The following IL1RAPL2 variants were observed in gnomAD, a reference collection of about 807,000 sequenced individuals.
IL1RAPL2 encodes X-linked interleukin-1 receptor accessory protein-like 2.
In IL1RAPL2, 3 loss-of-function variants were observed where a neutral mutation model predicts 44.1. The observed-to-expected ratio is 0.07, with a 90% confidence interval of 0.03 to 0.18. The LOEUF is 0.18. Ranked by LOEUF, IL1RAPL2 falls within the 10% of genes least tolerant of loss-of-function variation. IL1RAPL2 has a pLI of 1.00. For missense variants in IL1RAPL2, 391 were observed against 496.4 expected, an observed-to-expected ratio of 0.79 and a Z score of 2.02; for synonymous variants, 181 against 178.8, an observed-to-expected ratio of 1.01 and a Z score of -0.10.
chrX:105,354,220 G>C (rs1352577904), intron 5 of IL1RAPL2, among the ~76,000 whole-genome samples: 12 of 110,849 alleles, frequency 1.1e-4, no homozygotes, highest in Non-Finnish European at 2.1e-4. Flanking sequence ...TATTGCAGCA[G>C]TATTCACAAT....
chrX:104,914,795 T>C (rs745615768), intron 2 of IL1RAPL2, among the ~76,000 whole-genome samples: 5 of 110,103 alleles, frequency 4.5e-5, no homozygotes, highest in Non-Finnish European at 9.5e-5. Flanking sequence ...AATTCCCATC[T>C]ATGAGTGAGA....
chrX:105,665,753 T>TTTTTTG (rs2037759802), intron 6 of IL1RAPL2, among the ~76,000 whole-genome samples: 2 of 69,307 alleles, frequency 2.9e-5, no homozygotes, highest in Non-Finnish European at 2.8e-5. Context: ...TTTTTTTTTT[T>TTTTTTG]TTGTTGTTGT....
chrX:105,566,228 AAAAG>A (rs1402075946), intron 6 of IL1RAPL2, among the ~76,000 whole-genome samples: 2 of 111,381 alleles, frequency 1.8e-5, no homozygotes, highest in African/African-American at 6.5e-5. Context: ...GAGAGAGAAA[AAAAG>A]AAAGAGAGAG....
At chrX:104,689,725 T>G (rs1171237793) in intron 2 of IL1RAPL2, among the ~76,000 whole-genome samples, 1 of 111,706 alleles carries the variant, frequency 9.0e-6, no homozygotes, top group Non-Finnish European at 1.9e-5. Flanking sequence ...AGATTCAACT[T>G]AATGAGAGAA....
intron 1 of IL1RAPL2, among the ~76,000 whole-genome samples, chrX:104,582,638 T>TTCTC (rs759890036): frequency 1.2e-5 from 1 of 84,491 alleles, no homozygotes; most frequent in Non-Finnish European, 2.1e-5. Flanking sequence ...CTTTCTTTCT[T>TTCTC]TCTCTCTTTC....
chrX:104,899,121 A>T (rs1460968699), intron 2 of IL1RAPL2, among the ~76,000 whole-genome samples: 2 of 111,825 alleles, frequency 1.8e-5, no homozygotes, highest in African/African-American at 6.5e-5. Flanking sequence ...TTACATTTGC[A>T]ATCGGCCTAT....
chrX:105,254,269 T>C (rs2034297157), intron 4 of IL1RAPL2, among the ~76,000 whole-genome samples: 1 of 112,229 alleles, frequency 8.9e-6, no homozygotes, highest in South Asian at 3.7e-4. Flanking sequence ...TAGTATTTCA[T>C]TGTGGCTTTG....
intron 5 of IL1RAPL2, among the ~76,000 whole-genome samples, chrX:105,350,172 G>A (rs186434368): frequency 2.1e-4 from 23 of 111,951 alleles, no homozygotes; most frequent in African/African-American, 7.1e-4. Flanking sequence ...TTCTTGAAAC[G>A]TAGCTTTGAT....
At chrX:105,279,375 T>G (rs2034511435) in intron 5 of IL1RAPL2, among the ~76,000 whole-genome samples, 1 of 112,119 alleles carries the variant, frequency 8.9e-6, no homozygotes, top group Non-Finnish European at 1.9e-5. Context: ...TGGTTGTTTT[T>G]CCAAAGCCTG....
chrX:105,521,873 A>G (rs1441417720), intron 6 of IL1RAPL2, among the ~76,000 whole-genome samples: 5 of 112,538 alleles, frequency 4.4e-5, no homozygotes, highest in Non-Finnish European at 9.4e-5. Context: ...CCCTGTCTGT[A>G]TAACTACTAC....
At chrX:104,722,610 C>T (rs1291075018) in intron 2 of IL1RAPL2, among the ~76,000 whole-genome samples, 1 of 111,881 alleles carries the variant, frequency 8.9e-6, no homozygotes, top group African/African-American at 3.2e-5. Context: ...TTAAGTGAGC[C>T]TCAACTTGAA....
chrX:105,113,080 T>C (rs6616567), intron 2 of IL1RAPL2, among the ~76,000 whole-genome samples: 58,311 of 111,417 alleles, frequency 0.52, 13,077 homozygotes, highest in East Asian at 0.75. Context: ...TCTGTTGCAA[T>C]TGATACAGGG....
chrX:105,761,034 CTG>C (rs1208040489), intron 10 of IL1RAPL2, among the ~76,000 whole-genome samples: 1 of 109,685 alleles, frequency 9.1e-6, no homozygotes, highest in Non-Finnish European at 1.9e-5. Flanking sequence ...CAAAAACTAA[CTG>C]GGCGTGGTGG....
intron 2 of IL1RAPL2, among the ~76,000 whole-genome samples, chrX:104,679,900 C>A (rs1485150543): frequency 8.9e-6 from 1 of 111,858 alleles, no homozygotes; most frequent in Non-Finnish European, 1.9e-5. Flanking sequence ...GAAGCTCAAC[C>A]TTTACATTGT....
rs959430072 is a variant in IL1RAPL2, at chrX:105,331,288, A to G, written c.697+63747A>G. On this transcript the variant is annotated intron_variant, in intron 5 of 10. Coordinates refer to ENST00000372582, the MANE Select transcript of IL1RAPL2 (RefSeq NM_017416.2). Reference sequence around the variant, plus strand: ...AAACCCCACTTCACATTTTTCCCCAAGTTGGTTCCTGGCCTTCATGGCTCC... The same window carrying G: ...AAACCCCACTTCACATTTTTCCCCAGGTTGGTTCCTGGCCTTCATGGCTCC... Among the ~76,000 whole-genome samples the G allele has an allele frequency of 2.7e-5, 3 of 111,292 alleles. No homozygotes were observed. The East Asian group carries it at 8.5e-4, about 31-fold the overall frequency.
chrX:105,004,128 G>A (rs1228156828), intron 2 of IL1RAPL2, among the ~76,000 whole-genome samples: 3 of 110,274 alleles, frequency 2.7e-5, no homozygotes, highest in East Asian at 5.8e-4. Context: ...CCACCAGAAA[G>A]GGCAGCCCAT....
At chrX:105,052,841 G>A (rs2031945390) in intron 2 of IL1RAPL2, among the ~76,000 whole-genome samples, 1 of 110,347 alleles carries the variant, frequency 9.1e-6, no homozygotes, top group Non-Finnish European at 1.9e-5. Context: ...AGCCCCATAT[G>A]CATTAGGTAT....
At chrX:105,126,127 G>A (rs1045718517) in intron 2 of IL1RAPL2, among the ~76,000 whole-genome samples, 1 of 110,684 alleles carries the variant, frequency 9.0e-6, no homozygotes, top group African/African-American at 3.3e-5. Flanking sequence ...GCAAATCCTG[G>A]TTGTCTGTAA....
At chrX:104,948,402 C>T (rs1346303092) in intron 2 of IL1RAPL2, among the ~76,000 whole-genome samples, 1 of 101,839 alleles carries the variant, frequency 9.8e-6, no homozygotes, top group Admixed American at 1.1e-4. Flanking sequence ...AATTGAATAC[C>T]CTTTATTTCC....
Sources: allele counts gnomAD v4.1 joint callset (sites outside exome capture counted in the v4.1 genomes callset), GRCh38; gene constraint gnomAD v4.1.1; transcripts MANE v1.5; gene names NCBI Gene and HGNC (gene_info 2026-07-23, HGNC 2026-07-21).